Variants in STARD13 observed in about 807,000 individuals in gnomAD.
The protein encoded by STARD13 is stAR-related lipid transfer protein 13.
Under a neutral mutation model 106.4 loss-of-function variants are expected in STARD13, and 62 were observed. The ratio of observed to expected loss-of-function variants is 0.58; its 90% CI spans 0.48 to 0.72. STARD13 has a LOEUF of 0.72. Ranked by LOEUF, STARD13 falls within the 30% of genes least tolerant of loss-of-function variation. The pLI is 0.00. For synonymous variants in STARD13, 565 were observed against 553.0 expected (o/e 1.02, Z -0.31); for missense variants, 1,387 against 1,424.0 (o/e 0.97, Z 0.42).
the STARD13 span, among the ~76,000 whole-genome samples, chr13:33,599,119 T>C: frequency 6.6e-6 from 1 of 152,234 alleles, no homozygotes; most frequent in Non-Finnish European, 1.5e-5. Flanking sequence ...CATATCATAT[T>C]GCGCTGGGTT....
intron 1 of STARD13, among the ~76,000 whole-genome samples, chr13:33,308,520 C>CTTTTTTTTTTTTTTTTT (rs552526416): frequency 2.6e-3 from 234 of 88,596 alleles, no homozygotes; most frequent in South Asian, 4.3e-3. Flanking sequence ...CTTTTTCTTT[C>CTTTTTTTTTTTTTTTTT]TTTTTTTTTT....
chr13:33,120,281 G>A (rs1185618157), intron 7 of STARD13, among the ~76,000 whole-genome samples: 2 of 152,220 alleles, frequency 1.3e-5, no homozygotes, highest in Non-Finnish European at 2.9e-5. Flanking sequence ...ACCGTGTCTT[G>A]CGGGCTGTTT....
chr13:33,166,464 C>A (rs776725803), intron 2 of STARD13, among the ~76,000 whole-genome samples: 3 of 152,068 alleles, frequency 2.0e-5, no homozygotes, highest in Non-Finnish European at 4.4e-5. Flanking sequence ...CCACTACAAG[C>A]CCTGGGCTCT....
intron 1 of STARD13, among the ~76,000 whole-genome samples, chr13:33,295,862 A>G (rs553316539): frequency 6.6e-6 from 1 of 152,156 alleles, no homozygotes; most frequent in African/African-American, 2.4e-5. Context: ...AAAACTGCAT[A>G]AATACTTTCC....
the STARD13 span, among the ~76,000 whole-genome samples, chr13:33,475,503 C>T: frequency 2.0e-5 from 3 of 152,140 alleles, no homozygotes; most frequent in Admixed American, 6.5e-5. Context: ...CTCCAAAATA[C>T]AATAAAGCAT....
At chr13:33,111,028 C>G (rs1566530394) in intron 10 of STARD13, 121 bp from the exon 11 acceptor site, 1 of 790,074 alleles carries the variant, frequency 1.3e-6, no homozygotes, top group East Asian at 2.7e-5. Flanking sequence ...GCCACACGGC[C>G]AGAGATGTTT....
At chr13:33,650,781 C>T in the STARD13 span, among the ~76,000 whole-genome samples, 254 of 152,296 alleles carry the variant, frequency 1.7e-3, 2 homozygotes, top group African/African-American at 5.8e-3. Context: ...GGGCTCTGCC[C>T]CTGTGAATGC....
chr13:33,343,341 G>A (rs2077981260), intron 1 of STARD13, among the ~76,000 whole-genome samples: 1 of 151,342 alleles, frequency 6.6e-6, no homozygotes, highest in African/African-American at 2.4e-5. Context: ...TTGGGAGGTG[G>A]AGGTGGGAAC....
chr13:33,287,364 A>C (rs78236854), upstream of STARD13, among the ~76,000 whole-genome samples: 3,052 of 152,212 alleles, frequency 0.02, 113 homozygotes, highest in African/African-American at 0.069. Flanking sequence ...AGCATGTGAC[A>C]ATTGCCTACT....
At chr13:33,394,062 TG>T in the STARD13 span, among the ~76,000 whole-genome samples, 1 of 152,296 alleles carries the variant, frequency 6.6e-6, no homozygotes, top group South Asian at 2.1e-4. Context: ...CAACAGAACT[TG>T]CATAGTAAAG....
the STARD13 span, among the ~76,000 whole-genome samples, chr13:33,587,162 G>A: frequency 6.7e-6 from 1 of 150,194 alleles, no homozygotes; most frequent in African/African-American, 2.5e-5. Flanking sequence ...GTTGCAGTGA[G>A]CCAAGATTGT....
the STARD13 span, among the ~76,000 whole-genome samples, chr13:33,489,967 T>G: frequency 5.9e-5 from 9 of 152,194 alleles, no homozygotes; most frequent in African/African-American, 2.2e-4. Context: ...ATCGATAACC[T>G]TGAGCTTAAG....
At position 33,128,982 on chromosome 13, in the gene STARD13, C is replaced by T; in HGVS notation, c.1695G>A (p.Gly565=). The change falls in exon 5 of 14, where the codon GGG becomes GGA. Residue 565 remains glycine, a synonymous_variant. Transcript: ENST00000336934. ...VTSLNESEPP[G]VRDRRDSGVG... ...CACCAGAATCCCTCCTGTCTCTGAC[C>T]CCAGGAGGCTCAGATTCATTAAGAG... 1 of 1,613,946 alleles carries T rather than the reference C, an allele frequency of 6.2e-7. No individual in the cohort carries two copies. Among genetic ancestry groups the T allele is most frequent in the Non-Finnish European group, 8.5e-7 (1 of 1,179,976 alleles).
At chr13:33,318,531 C>G (rs765043555) in intron 1 of STARD13, among the ~76,000 whole-genome samples, 6 of 151,868 alleles carry the variant, frequency 4.0e-5, no homozygotes, top group Non-Finnish European at 7.4e-5. Flanking sequence ...TTAGAAATGA[C>G]ATGTAAAGCA....
intron 12 of STARD13, 57 bp downstream of exon 12, chr13:33,109,816 T>C (rs1785774118): frequency 2.6e-6 from 4 of 1,549,272 alleles, no homozygotes; most frequent in Non-Finnish European, 2.7e-6. Context: ...TGCTCACATC[T>C]ACAGTTCGCG....
At chr13:33,414,127 T>C in the STARD13 span, among the ~76,000 whole-genome samples, 38 of 151,492 alleles carry the variant, frequency 2.5e-4, no homozygotes, top group African/African-American at 9.2e-4. Flanking sequence ...CAAAATGAGA[T>C]ATTATAGCAC....
At chr13:33,636,929 G>A in the STARD13 span, among the ~76,000 whole-genome samples, 42 of 152,108 alleles carry the variant, frequency 2.8e-4, no homozygotes, top group African/African-American at 1.0e-3. Flanking sequence ...GTATTATTAT[G>A]TAATAATGTC....
the STARD13 span, among the ~76,000 whole-genome samples, chr13:33,550,952 C>G: frequency 2.0e-5 from 3 of 152,246 alleles, no homozygotes; most frequent in Non-Finnish European, 4.4e-5. Flanking sequence ...CATCCAGTTT[C>G]TTCAACAGCT....
chr13:33,148,708 T>A (rs1483654152), intron 3 of STARD13, among the ~76,000 whole-genome samples: 1 of 152,226 alleles, frequency 6.6e-6, no homozygotes, highest in Non-Finnish European at 1.5e-5. Flanking sequence ...CTCGAGAAAT[T>A]GCACTTCTAG....
Sources: gnomAD v4.1 joint callset for allele counts (sites outside exome capture counted in the v4.1 genomes callset) on GRCh38, gnomAD v4.1.1 for gene constraint, MANE v1.5 for transcripts, NCBI Gene and HGNC (gene_info 2026-07-23, HGNC 2026-07-21) for gene names.